Variants in ACBD6 observed in about 807,000 individuals in gnomAD.
ACBD6 encodes acyl-CoA-binding domain-containing protein 6.
ACBD6 carries 28 observed loss-of-function variants against 37.2 expected under a neutral mutation model. The observed-to-expected ratio is 0.75, with a 90% confidence interval of 0.56 to 1.03. ACBD6 has a LOEUF of 1.03. ACBD6 is among the 50% of genes least tolerant of loss of function. The pLI, the probability that ACBD6 is intolerant of heterozygous loss-of-function variation, is 0.00. For missense variants in ACBD6, 340 were observed against 337.4 expected, an observed-to-expected ratio of 1.01 and a Z score of -0.06; for synonymous variants, 113 against 126.8, an observed-to-expected ratio of 0.89 and a Z score of 0.73.
At chr1:180,483,807 C>G (rs1651152925) in intron 3 of ACBD6, among the ~76,000 whole-genome samples, 1 of 152,074 alleles carries the variant, frequency 6.6e-6, no homozygotes, top group South Asian at 2.1e-4. Context: ...CAAATACACT[C>G]AAATGTAATC....
chr1:180,317,861 G>A (rs1238527398), intron 6 of ACBD6, among the ~76,000 whole-genome samples: 1 of 151,886 alleles, frequency 6.6e-6, no homozygotes, highest in Non-Finnish European at 1.5e-5. Context: ...TCCCAATTTT[G>A]TGACTGCCAA....
chr1:180,288,277 G>A lies in ACBD6; in HGVS notation c.*86C>T, dbSNP rs149615674. The A allele has an allele frequency of 2.5e-5, 39 of 1,572,482 alleles. No homozygotes were observed. Among genetic ancestry groups the A allele is most frequent in the Non-Finnish European group, 3.2e-5 (37 of 1,149,044 alleles). ...TTATTAGCCAATACATACCAAAGAC[G>A]GGTGGAAAAGAAGTATTATTTTTGT... On this transcript the variant is annotated 3_prime_UTR_variant, in exon 8 of 8. Coordinates refer to ENST00000367595, the MANE Select transcript of ACBD6 (RefSeq NM_032360.4).
chr1:180,306,506 A>C (rs986694876), intron 7 of ACBD6, among the ~76,000 whole-genome samples: 4 of 152,136 alleles, frequency 2.6e-5, no homozygotes, highest in Non-Finnish European at 4.4e-5. Flanking sequence ...TATCCCCTTT[A>C]CTAATGCTAG....
chr1:180,430,641 C>T (rs1363792511), intron 3 of ACBD6, among the ~76,000 whole-genome samples: 1 of 150,572 alleles, frequency 6.6e-6, no homozygotes, highest in Non-Finnish European at 1.5e-5. Flanking sequence ...TATAAAAGTT[C>T]CCAAATAAGA....
chr1:180,325,541 A>G lies in ACBD6; in HGVS notation c.664-10819T>C, dbSNP rs371834421. Reference sequence around the variant, plus strand: ...TATTTTGAATTCTCTGAAAGGTTGCATATCTCTTTCTCCAGGACTGGTCCC... The same window carrying G: ...TATTTTGAATTCTCTGAAAGGTTGCGTATCTCTTTCTCCAGGACTGGTCCC... On this transcript the variant is annotated intron_variant, in intron 6 of 7. Transcript: ENST00000367595. 6.6e-5 allele frequency among the ~76,000 whole-genome samples: 10 copies of G among 152,246 alleles called. No individual in the cohort carries two copies. In the East Asian group the frequency reaches 1.3e-3, roughly 21 times the overall value.
chr1:180,467,730 C>A (rs1650406604), intron 3 of ACBD6, among the ~76,000 whole-genome samples: 1 of 152,140 alleles, frequency 6.6e-6, no homozygotes, highest in Admixed American at 6.5e-5. Flanking sequence ...TCATTTAATA[C>A]ACCATGAACA....
At chr1:180,284,358 T>C (rs1329665616), downstream of ACBD6, among the ~76,000 whole-genome samples, 1 of 151,604 alleles carries the variant, frequency 6.6e-6, no homozygotes, top group Non-Finnish European at 1.5e-5. Context: ...AAAGATGGTA[T>C]TAAGGTCTTT....
intron 6 of ACBD6, among the ~76,000 whole-genome samples, chr1:180,343,837 G>A (rs546481443): frequency 1.3e-5 from 2 of 152,296 alleles, no homozygotes; most frequent in South Asian, 4.1e-4. Context: ...GGGTGGCCGA[G>A]GCAGGTGAAT....
chr1:180,271,677 G>T, exon 14 of ACBD6: 1 of 1,321,120 alleles, frequency 7.6e-7, no homozygotes, highest in South Asian at 1.2e-5. Flanking sequence ...ACAGAGTTCT[G>T]AGGCCCACCT....
chr1:180,467,182 T>G (rs909067169), intron 3 of ACBD6, among the ~76,000 whole-genome samples: 2 of 152,012 alleles, frequency 1.3e-5, no homozygotes, highest in Admixed American at 1.3e-4. Flanking sequence ...TGTATTCAAG[T>G]GATCCTCCCA....
chr1:180,463,529 C>T (rs371439391), intron 3 of ACBD6, among the ~76,000 whole-genome samples: 21 of 151,956 alleles, frequency 1.4e-4, no homozygotes, highest in South Asian at 6.2e-4. Flanking sequence ...CCTAAAAAGA[C>T]GAATAACGAG....
At chr1:180,285,008 C>T (rs1037461264), downstream of ACBD6, among the ~76,000 whole-genome samples, 1 of 152,058 alleles carries the variant, frequency 6.6e-6, no homozygotes, top group Middle Eastern at 3.2e-3. Flanking sequence ...TCGTGGTGTG[C>T]ACCTGTGGTC....
At chr1:180,492,013 C>T (rs1187867213) in intron 3 of ACBD6, among the ~76,000 whole-genome samples, 1 of 152,000 alleles carries the variant, frequency 6.6e-6, no homozygotes, top group Non-Finnish European at 1.5e-5. Context: ...TTTCACCATG[C>T]TGGCCAGGCC....
rs904520160 is a variant in ACBD6 at position 180,502,516 on chromosome 1, G to A, written c.-250C>T. 5.6e-6 allele frequency: 3 copies of A among 539,548 alleles called. No individual in the cohort carries two copies. Among genetic ancestry groups the A allele is most frequent in the Non-Finnish European group, 1.0e-5 (3 of 297,744 alleles). 33.4% of individuals were successfully genotyped at this position (539,548 alleles called of 1,614,324 possible). ...ACCCGGTCTCCTCCGGCTTCCCTCC[G>A]GCCAACAGCGCGCTCAGGCTCGCCT... On this transcript the variant is annotated 5_prime_UTR_variant, in exon 1 of 8. Transcript: ENST00000367595.
At chr1:180,272,909 A>AT (rs756708266) in intron 12 of ACBD6, 2 of 152,206 alleles carry the variant, frequency 1.3e-5, no homozygotes, top group Non-Finnish European at 2.9e-5. Context: ...GGAAGGCATG[A>AT]TCGTTCCCAC....
chr1:180,287,093 T>A (rs1649526597), downstream of ACBD6: 1 of 151,898 alleles, frequency 6.6e-6, no homozygotes, highest in South Asian at 2.1e-4. Context: ...ACAGGGAAAA[T>A]GTTGGGAGCC....
intron 3 of ACBD6, among the ~76,000 whole-genome samples, chr1:180,434,212 G>A (rs928106062): frequency 6.6e-6 from 1 of 151,980 alleles, no homozygotes; most frequent in African/African-American, 2.4e-5. Context: ...TTAAAACAGA[G>A]ATCTCACAAC....
At chr1:180,333,631 C>T (rs772294779) in intron 6 of ACBD6, among the ~76,000 whole-genome samples, 15 of 152,142 alleles carry the variant, frequency 9.9e-5, no homozygotes, top group Admixed American at 2.0e-4. Flanking sequence ...ACTGAGGTAC[C>T]GGGGTCATCT....
intron 5 of ACBD6, among the ~76,000 whole-genome samples, chr1:180,409,951 A>C (rs1424125458): frequency 6.6e-6 from 1 of 152,218 alleles, no homozygotes; most frequent in Non-Finnish European, 1.5e-5. Flanking sequence ...CCAATTTGTG[A>C]ATGTCAGAGA....
Sources: allele counts gnomAD v4.1 joint callset (sites outside exome capture counted in the v4.1 genomes callset), GRCh38; gene constraint gnomAD v4.1.1; transcripts MANE v1.5; gene names NCBI Gene and HGNC (gene_info 2026-07-23, HGNC 2026-07-21).